The following GADL1 variants were observed in gnomAD, a reference collection of about 807,000 sequenced individuals.
GADL1 encodes the protein acidic amino acid decarboxylase GADL1.
GADL1 carries 71 observed loss-of-function variants against 69.5 expected under a neutral mutation model. The ratio of observed to expected loss-of-function variants is 1.02; its 90% CI spans 0.84 to 1.25. The LOEUF is 1.25. Among genes scored for constraint, GADL1 ranks in the 50% most tolerant of loss-of-function variants. The pLI, the probability that GADL1 is intolerant of heterozygous loss-of-function variation, is 0.00. For synonymous variants in GADL1, 254 were observed against 214.4 expected (o/e 1.18, Z -1.62); for missense variants, 737 against 631.8 (o/e 1.17, Z -1.79).
At chr3:30,871,774 A>G (rs1575243142) in intron 1 of GADL1, among the ~76,000 whole-genome samples, 1 of 151,828 alleles carries the variant, frequency 6.6e-6, no homozygotes, top group Admixed American at 6.6e-5. Flanking sequence ...GTCCATAAAC[A>G]CCATCCAGCT....
intron 14 of GADL1, among the ~76,000 whole-genome samples, chr3:30,759,185 C>T (rs561140511): frequency 2.8e-4 from 42 of 152,266 alleles, no homozygotes; most frequent in Non-Finnish European, 5.0e-4. Context: ...GCAGCAGCTC[C>T]CTGGGCAGCC....
At chr3:30,792,785 G>A (rs1478600772) in intron 12 of GADL1, among the ~76,000 whole-genome samples, 1 of 152,108 alleles carries the variant, frequency 6.6e-6, no homozygotes, top group Non-Finnish European at 1.5e-5. Flanking sequence ...TATAGCAAAA[G>A]CACTTTAAGT....
At chr3:30,871,042 A>AGTGTGTGTGTGTGTGTGTGT (rs4016178) in intron 1 of GADL1, among the ~76,000 whole-genome samples, 12 of 141,378 alleles carry the variant, frequency 8.5e-5, no homozygotes, top group South Asian at 4.8e-4. Context: ...AAGGCAGAAA[A>AGTGTGTGTGTGTGTGTGTGT]GTGTGTGTGT....
At chr3:30,746,755 T>C (rs761689481) in intron 14 of GADL1, among the ~76,000 whole-genome samples, 4 of 152,130 alleles carry the variant, frequency 2.6e-5, no homozygotes, top group Non-Finnish European at 5.9e-5. Context: ...AAGAAAACAA[T>C]GGACATTAAG....
chr3:30,759,433 CATTT>C (rs1696066380), intron 14 of GADL1, among the ~76,000 whole-genome samples: 1 of 152,076 alleles, frequency 6.6e-6, no homozygotes, highest in African/African-American at 2.4e-5. Context: ...CTCTTAGAAA[CATTT>C]ATCTTTTCCT....
intron 14 of GADL1, among the ~76,000 whole-genome samples, chr3:30,765,941 C>G (rs557968210): frequency 5.9e-4 from 72 of 121,020 alleles, no homozygotes; most frequent in African/African-American, 2.2e-3. Context: ...TCGTAACTGG[C>G]AAGACGGGAA....
chr3:30,803,892 G>A (rs1454628269), intron 11 of GADL1, among the ~76,000 whole-genome samples: 1 of 152,156 alleles, frequency 6.6e-6, no homozygotes, highest in Non-Finnish European at 1.5e-5. Context: ...GTTGAAAATA[G>A]TTATTATTGT....
intron 1 of GADL1, among the ~76,000 whole-genome samples, chr3:30,863,055 T>A (rs4491948): frequency 0.22 from 26,758 of 120,324 alleles, 2,996 homozygotes; most frequent in East Asian, 0.59. Flanking sequence ...ACACACACAC[T>A]CTCTCTCACA....
intron 14 of GADL1, among the ~76,000 whole-genome samples, chr3:30,762,997 A>C (rs755786332): frequency 5.3e-5 from 8 of 152,188 alleles, no homozygotes; most frequent in Non-Finnish European, 1.0e-4. Flanking sequence ...GTTGCTCCCA[A>C]ATCTTAGCTA....
chr3:30,810,103 A>G (rs927267243), intron 11 of GADL1, among the ~76,000 whole-genome samples: 1 of 152,070 alleles, frequency 6.6e-6, no homozygotes, highest in Non-Finnish European at 1.5e-5. Flanking sequence ...TTGTCTTGCC[A>G]TTTTGACATC....
chr3:30,850,071 T>A lies in GADL1; in HGVS notation c.576A>T (p.Arg192Ser). Residue 192 changes from arginine to serine, a missense_variant, in exon 6 of 15, where the codon AGA (arginine) becomes AGT (serine). By Grantham distance (110) the Arg-to-Ser change is moderately radical (BLOSUM62 -1). Coordinates refer to ENST00000282538, the MANE Select transcript of GADL1 (RefSeq NM_207359.3). ...CCTTAATATCAGGACAATATTTGTATCTAGCTAAATTCATTGCATACATAT... is the reference window on the plus strand; with the variant it reads ...CCTTAATATCAGGACAATATTTGTAACTAGCTAAATTCATTGCATACATAT... The part of the protein sequence containing the change: ...VSNMYAMNLA[R>S]YKYCPDIKEK... 1.9e-6 allele frequency: 3 copies of A among 1,611,366 alleles called. No homozygotes were observed. The highest frequency in any genetic ancestry group is 2.5e-6 in the Non-Finnish European group (3 of 1,177,874).
intron 4 of GADL1, among the ~76,000 whole-genome samples, chr3:30,853,907 AC>A (rs1237257583): frequency 5.3e-5 from 8 of 152,092 alleles, no homozygotes; most frequent in Non-Finnish European, 1.2e-4. Context: ...AGAAAATGGC[AC>A]CTAGTGACTT....
intron 14 of GADL1, among the ~76,000 whole-genome samples, chr3:30,732,624 G>A (rs1407987300): frequency 6.6e-6 from 1 of 152,014 alleles, no homozygotes; most frequent in Non-Finnish European, 1.5e-5. Flanking sequence ...GACCAAGCAG[G>A]GCAATTCGAT....
chr3:30,816,424 A>G (rs1390719383), intron 11 of GADL1, among the ~76,000 whole-genome samples: 2 of 151,440 alleles, frequency 1.3e-5, no homozygotes, highest in Non-Finnish European at 2.9e-5. Context: ...ATTGCTTCCA[A>G]GCCTCATCTC....
At chr3:30,747,422 G>T (rs1185609745) in intron 14 of GADL1, among the ~76,000 whole-genome samples, 1 of 152,146 alleles carries the variant, frequency 6.6e-6, no homozygotes, top group Non-Finnish European at 1.5e-5. Flanking sequence ...GAGAAGGAAG[G>T]GTAGGAGAGA....
chr3:30,740,417 A>G (rs998364531), intron 14 of GADL1, among the ~76,000 whole-genome samples: 1 of 152,146 alleles, frequency 6.6e-6, no homozygotes, highest in Non-Finnish European at 1.5e-5. Flanking sequence ...GTTGTGAGAA[A>G]GGTCCTAGAG....
chr3:30,771,080 T>A (rs762764768), intron 14 of GADL1, among the ~76,000 whole-genome samples: 2 of 152,106 alleles, frequency 1.3e-5, no homozygotes, highest in African/African-American at 2.4e-5. Context: ...TTATTGGAAC[T>A]TTTTGTTGGT....
At position 30,751,376 on chromosome 3, in the gene GADL1, C is replaced by CT. The variant is rs369255837; in HGVS notation, c.1393-22962dup. Among the ~76,000 whole-genome samples, 390 of 152,050 alleles carry CT rather than the reference C, an allele frequency of 2.6e-3. 3 individuals carry two copies. Among genetic ancestry groups the CT allele is most frequent in the African/African-American group, 8.8e-3 (364 of 41,476 alleles). ...TGTTTGTTTCTATTCTGTGAGTTGT[C>CT]TTCGCTCAGTCTGTGCTTTTTCTTT... is the stretch of plus-strand genomic sequence containing the variant. On this transcript the variant is annotated intron_variant, in intron 14 of 14. Transcript: ENST00000282538.
Position 30,849,897 on chromosome 3 carries a change from A to G in GADL1, c.651+99T>C, listed in dbSNP as rs570155267. On this transcript the variant is annotated intron_variant, in intron 6 of 14. Coordinates refer to ENST00000282538, the MANE Select transcript of GADL1 (RefSeq NM_207359.3). ...TGTTATACTGCAGCATATTAGTCAC[A>G]TGGGTATAGGACAAAATCACATCAG... The G allele has an allele frequency of 2.1e-5, 15 of 705,334 alleles. No homozygotes were observed. The African/African-American group carries it at 2.5e-4, about 12-fold the overall frequency. The allele number at this position is 705,334 out of a possible 1,614,324, so 43.7% of individuals were successfully genotyped here.
Sources: allele counts gnomAD v4.1 joint callset (sites outside exome capture counted in the v4.1 genomes callset), GRCh38; gene constraint gnomAD v4.1.1; transcripts MANE v1.5; gene names NCBI Gene and HGNC (gene_info 2026-07-23, HGNC 2026-07-21).